Variants in SLC2A13 observed in about 807,000 individuals in gnomAD.
SLC2A13 encodes proton myo-inositol cotransporter.
SLC2A13 carries 32 observed loss-of-function variants against 64.4 expected under a neutral mutation model. The observed-to-expected ratio is 0.50, with a 90% CI of 0.37 to 0.67. The LOEUF (loss-of-function observed/expected upper bound fraction) is 0.67. Ranked by LOEUF, SLC2A13 falls within the 30% of genes least tolerant of loss-of-function variation. The probability of loss-of-function intolerance (pLI) is 0.00; values close to 1 mark genes in which losing one functional copy is unlikely to be tolerated. For missense variants in SLC2A13, 743 were observed against 829.2 expected, an observed-to-expected ratio of 0.90 and a Z score of 1.28; for synonymous variants, 338 against 327.1, an observed-to-expected ratio of 1.03 and a Z score of -0.36.
At chr12:39,912,772 G>A (rs1028113585) in intron 4 of SLC2A13, among the ~76,000 whole-genome samples, 2 of 152,086 alleles carry the variant, frequency 1.3e-5, no homozygotes, top group Admixed American at 6.6e-5. Flanking sequence ...CTGGCCTCGA[G>A]TATCCTCTGC....
At chr12:39,805,022 G>GAC (rs1941924420) in intron 7 of SLC2A13, among the ~76,000 whole-genome samples, 1 of 152,100 alleles carries the variant, frequency 6.6e-6, no homozygotes, top group African/African-American at 2.4e-5. Flanking sequence ...AAGCCTGCTG[G>GAC]AGAGAGAAGC....
At chr12:39,771,233 T>C (rs1940561153) in intron 7 of SLC2A13, among the ~76,000 whole-genome samples, 1 of 152,146 alleles carries the variant, frequency 6.6e-6, no homozygotes, top group Admixed American at 6.6e-5. Context: ...ATGCCTTGTG[T>C]AGTTCCTTTT....
intron 7 of SLC2A13, among the ~76,000 whole-genome samples, chr12:39,775,306 G>A (rs547007734): frequency 6.6e-6 from 1 of 152,196 alleles, no homozygotes; most frequent in Non-Finnish European, 1.5e-5. Flanking sequence ...CTTAGGTAAC[G>A]TAAGTTACTT....
chr12:39,830,223 C>G lies in SLC2A13; in HGVS notation c.1325G>C (p.Cys442Ser). ...GTCTGGATCCAACATACATTCATTA[C>G]AGTAACTGAAAAATGAAAAGAGTTA... ...QNATCTRYSYCNECMLDPDCG... is the reference protein window; with the variant it reads ...QNATCTRYSYSNECMLDPDCG... The change falls in exon 7 of 10, where the codon TGT becomes TCT. Residue 442 changes from cysteine (C) to serine (S), a missense_variant. By Grantham distance (112) the Cys-to-Ser change is moderately radical. Around this residue, in one of 2 missense-constraint regions of SLC2A13, gnomAD observed 295 missense variants for 381.7 expected, o/e 0.77. Coordinates refer to ENST00000280871, the MANE Select transcript of SLC2A13 (RefSeq NM_052885.4). The G allele has an allele frequency of 6.2e-7, 1 of 1,612,040 alleles. No homozygotes were observed. Among genetic ancestry groups the G allele is most frequent in the South Asian group, 1.1e-5 (1 of 91,000 alleles).
rs117453772 is a variant in SLC2A13, at chr12:39,770,847, A to G, written c.1446-5989T>C. On this transcript the variant is annotated intron_variant, in intron 7 of 9. Transcript: ENST00000280871. The stretch of plus-strand genomic sequence containing the variant: ...TATACTTTTAAGTCCAAGTAAAGAA[A>G]AGTGGCCAAGACTAGGAGCTTTGGT... Among the ~76,000 whole-genome samples the G allele has an allele frequency of 1.1e-3, 171 of 152,230 alleles. 4 individuals carry two copies. In the East Asian group the frequency reaches 0.029, roughly 26 times the overall value.
In SLC2A13 at chr12:40,105,990, C is replaced by T. The variant is rs1939298178; in HGVS notation, c.-182G>A. 8 of 641,402 alleles carry T rather than the reference C, an allele frequency of 1.2e-5. No homozygotes were observed. The highest frequency in any genetic ancestry group is 1.6e-5 in the Non-Finnish European group (7 of 436,686). The allele number at this position is 641,402 out of a possible 1,614,324, so 39.7% of individuals were successfully genotyped here. A position where few individuals can be genotyped will look rare whatever the true frequency, so the allele number is the denominator to read the frequency against. ...GCCGCTCCGGGGAGAAAGTTGCTGC[C>T]CGCCGCGCTCCGACGCTGCGGAGTT... On this transcript the variant is annotated 5_prime_UTR_variant, in exon 1 of 10. Transcript: ENST00000280871. The surrounding 1 kb of genome is among the most constrained non-coding windows in gnomAD (Gnocchi z 4.2).
At position 39,867,947 on chromosome 12, in the gene SLC2A13, C is replaced by T. The variant is rs914801844; in HGVS notation, c.1199-3065G>A. 4.6e-5 allele frequency among the ~76,000 whole-genome samples: 7 copies of T among 152,270 alleles called. No homozygotes were observed. In the East Asian group the frequency reaches 5.8e-4, roughly 13 times the overall value. On this transcript the variant is annotated intron_variant, in intron 5 of 9. Coordinates refer to ENST00000280871, the MANE Select transcript of SLC2A13 (RefSeq NM_052885.4). ...TACAAGAAGGAAATGGTATCTTAAA[C>T]GACTTTATTTATAAAATAAATTTTT...
chr12:39,778,822 C>T lies in SLC2A13; in HGVS notation c.1446-13964G>A, dbSNP rs150508562. ...ACTGAAAAACAGCAAGTCTGCAACA[C>T]AAAACCATTTAGCAACATCTATAGG... On this transcript the variant is annotated intron_variant, in intron 7 of 9. Transcript: ENST00000280871. Among the ~76,000 whole-genome samples the T allele has an allele frequency of 3.0e-3, 455 of 152,284 alleles. 4 individuals carry two copies. Among genetic ancestry groups the T allele is most frequent in the Non-Finnish European group, 4.4e-3 (301 of 68,014 alleles).
chr12:39,996,596 G>A (rs531556912), intron 3 of SLC2A13, among the ~76,000 whole-genome samples: 31 of 152,260 alleles, frequency 2.0e-4, no homozygotes, highest in Admixed American at 9.8e-4. Context: ...TGGGCCCCCC[G>A]CCCCATGCAG....
At chr12:39,993,949 T>TTAA (rs1350103911) in intron 3 of SLC2A13, among the ~76,000 whole-genome samples, 2 of 152,186 alleles carry the variant, frequency 1.3e-5, no homozygotes, top group East Asian at 1.9e-4. Flanking sequence ...ACAGATTTGT[T>TTAA]TAATAATAAT....
At chr12:40,098,098 T>C (rs1939018404) in intron 1 of SLC2A13, among the ~76,000 whole-genome samples, 1 of 151,708 alleles carries the variant, frequency 6.6e-6, no homozygotes, top group African/African-American at 2.4e-5. Context: ...TATATGTGTA[T>C]TTATTTTTAT....
In SLC2A13 at chr12:40,085,813, A is replaced by C. The variant is rs1565621417; in HGVS notation, c.556+19440T>G. Among the ~76,000 whole-genome samples, 5 of 152,156 alleles carry C rather than the reference A, an allele frequency of 3.3e-5. No individual in the cohort carries two copies. The South Asian group carries it at 8.3e-4, about 25-fold the overall frequency. On this transcript the variant is annotated intron_variant, in intron 1 of 9. Transcript: ENST00000280871. ...TTATCTAAAATCACATATTTACATAAAAGATTTGAAAGCAGGACCCAGGAT... is the reference window on the plus strand; with the variant it reads ...TTATCTAAAATCACATATTTACATACAAGATTTGAAAGCAGGACCCAGGAT...
At chr12:39,856,163 T>C (rs1293950603) in intron 6 of SLC2A13, among the ~76,000 whole-genome samples, 1 of 152,122 alleles carries the variant, frequency 6.6e-6, no homozygotes, top group African/African-American at 2.4e-5. Context: ...ATGAAAATTA[T>C]ACTAAAAAAA....
Position 39,900,870 on chromosome 12 carries a change from C to T in SLC2A13, c.1035-28909G>A, listed in dbSNP as rs534414027. Reference sequence around the variant, plus strand: ...GTTCATATGCAACCAAAAAAGATCCCGCATCGCCAAGTCAATCCTAAGCCA... The same window carrying T: ...GTTCATATGCAACCAAAAAAGATCCTGCATCGCCAAGTCAATCCTAAGCCA... On this transcript the variant is annotated intron_variant, in intron 4 of 9. Coordinates refer to ENST00000280871, the MANE Select transcript of SLC2A13 (RefSeq NM_052885.4). Among the ~76,000 whole-genome samples, 487 of 152,228 alleles carry T rather than the reference C, an allele frequency of 3.2e-3. 3 individuals are homozygous for T. The highest frequency in any genetic ancestry group is 3.6e-3 in the Non-Finnish European group (242 of 67,994).
intron 3 of SLC2A13, among the ~76,000 whole-genome samples, chr12:40,004,449 G>A (rs1947376206): frequency 6.6e-6 from 1 of 152,094 alleles, no homozygotes. Context: ...CTCCCAAAGT[G>A]CTGGTGTTAC....
At chr12:39,971,993 AAAAAATAT>A in intron 3 of SLC2A13, among the ~76,000 whole-genome samples, 1 of 21,738 alleles carries the variant, frequency 4.6e-5, no homozygotes, top group South Asian at 2.4e-3. Flanking sequence ...GAAAAAAAAA[AAAAAATAT>A]ATATATATAT....
At chr12:39,807,099 G>A (rs1942002344) in intron 7 of SLC2A13, among the ~76,000 whole-genome samples, 1 of 143,748 alleles carries the variant, frequency 7.0e-6, no homozygotes, top group South Asian at 2.1e-4. Context: ...CAACACATTA[G>A]GTTGGTGGAA....
chr12:40,071,857 C>T (rs1021733374), intron 1 of SLC2A13, among the ~76,000 whole-genome samples: 1 of 152,038 alleles, frequency 6.6e-6, no homozygotes, highest in South Asian at 2.1e-4. Context: ...CTTACTTTAC[C>T]TTTTCAAATA....
chr12:40,000,670 C>T (rs1197682099), intron 3 of SLC2A13, among the ~76,000 whole-genome samples: 4 of 152,160 alleles, frequency 2.6e-5, no homozygotes, highest in South Asian at 2.1e-4. Context: ...CGCAGTATCC[C>T]GACATGTTCT....
Sources: allele counts gnomAD v4.1 joint callset (sites outside exome capture counted in the v4.1 genomes callset), GRCh38; gene constraint gnomAD v4.1.1; regional missense constraint gnomAD v4.1.1; non-coding constraint Gnocchi (gnomAD v3.1); transcripts MANE v1.5; gene names NCBI Gene and HGNC (gene_info 2026-07-23, HGNC 2026-07-21).